RAB27A: variants seen among roughly 807,000 people sequenced by gnomAD.
RAB27A encodes the protein ras-related protein Rab-27A.
In RAB27A, 17 loss-of-function variants were observed where a neutral mutation model predicts 20.8. The ratio of observed to expected loss-of-function variants is 0.82; its 90% CI spans 0.56 to 1.23. The LOEUF is 1.23. Ranked by LOEUF, RAB27A falls within the 50% of genes most tolerant of loss-of-function variation. The pLI is 0.00. For missense variants in RAB27A, 277 were observed against 266.7 expected (o/e 1.04, Z -0.27); for synonymous variants, 85 against 92.8 (o/e 0.92, Z 0.48).
At chr15:55,269,719 C>A (rs1009118072) in intron 2 of RAB27A, 1 of 152,000 alleles carries the variant, frequency 6.6e-6, no homozygotes, top group African/African-American at 2.4e-5. Context: ...CAAGCCTGGG[C>A]GACAGAGCAA....
chr15:55,246,089 T>C (rs1595711737), intron 2 of RAB27A, among the ~76,000 whole-genome samples: 1 of 150,748 alleles, frequency 6.6e-6, no homozygotes, highest in Non-Finnish European at 1.5e-5. Context: ...ATATATGATA[T>C]AGATATATAT....
At chr15:55,315,196 C>G (rs2055037526) in intron 1 of RAB27A, among the ~76,000 whole-genome samples, 1 of 152,172 alleles carries the variant, frequency 6.6e-6, no homozygotes, top group Admixed American at 6.5e-5. Context: ...GCTGGGAAAA[C>G]TGGCTAGCCA....
At chr15:55,209,884 G>GTA (rs1420784352) in intron 6 of RAB27A, among the ~76,000 whole-genome samples, 11 of 66,242 alleles carry the variant, frequency 1.7e-4, no homozygotes, top group Non-Finnish European at 1.8e-4. Context: ...ATATGTGTGT[G>GTA]TATACATATA....
chr15:55,292,731 T>A (rs945073866), upstream of RAB27A, among the ~76,000 whole-genome samples: 1 of 152,138 alleles, frequency 6.6e-6, no homozygotes, highest in African/African-American at 2.4e-5. Context: ...AATATCCAAG[T>A]GAAGCTGTTT....
At chr15:55,214,323 C>T (rs1895175451) in intron 6 of RAB27A, among the ~76,000 whole-genome samples, 4 of 152,154 alleles carry the variant, frequency 2.6e-5, no homozygotes, top group Admixed American at 2.6e-4. Flanking sequence ...GTAGTCCCAG[C>T]TACTCGGGAG....
At chr15:55,297,199 C>G (rs1316531687) in intron 2 of RAB27A, among the ~76,000 whole-genome samples, 1 of 152,188 alleles carries the variant, frequency 6.6e-6, no homozygotes. Context: ...ATCAGGCAAG[C>G]CTTCTTTTGA....
At chr15:55,267,420 C>T (rs151118834) in intron 2 of RAB27A, among the ~76,000 whole-genome samples, 7 of 152,290 alleles carry the variant, frequency 4.6e-5, no homozygotes, top group East Asian at 3.9e-4. Flanking sequence ...TCAAGCAGCA[C>T]CCCATCTCAT....
At chr15:55,317,082 T>C (rs2055050056) in intron 1 of RAB27A, 2 of 152,112 alleles carry the variant, frequency 1.3e-5, no homozygotes, top group African/African-American at 4.8e-5. Flanking sequence ...AAGTAGAAAA[T>C]ATTCCTAAAA....
chr15:55,212,693 T>C (rs1275403584), intron 6 of RAB27A, among the ~76,000 whole-genome samples: 1 of 152,002 alleles, frequency 6.6e-6, no homozygotes, highest in African/African-American at 2.4e-5. Context: ...CCACGCCCGT[T>C]TAATTTTTTG....
intron 1 of RAB27A, among the ~76,000 whole-genome samples, chr15:55,287,050 G>A (rs767576251): frequency 6.6e-6 from 1 of 150,574 alleles, no homozygotes; most frequent in African/African-American, 2.4e-5. Flanking sequence ...CTCCTGAGTA[G>A]CTGTGATTAC....
chr15:55,247,236 C>G (rs1331715128), intron 2 of RAB27A, among the ~76,000 whole-genome samples: 1 of 152,072 alleles, frequency 6.6e-6, no homozygotes, highest in Non-Finnish European at 1.5e-5. Flanking sequence ...TTAACAAGCT[C>G]TGAAGAGGTA....
intron 2 of RAB27A, among the ~76,000 whole-genome samples, chr15:55,298,757 G>A (rs866810659): frequency 2.6e-5 from 4 of 152,190 alleles, no homozygotes; most frequent in East Asian, 1.9e-4. Context: ...CACACCCAGG[G>A]GGGCCGTCTA....
At chr15:55,238,617 C>T (rs1344426467) in intron 2 of RAB27A, 2 of 152,194 alleles carry the variant, frequency 1.3e-5, no homozygotes, top group African/African-American at 4.8e-5. Flanking sequence ...ACTTTATTCT[C>T]CCCATTGTGG....
intron 2 of RAB27A, among the ~76,000 whole-genome samples, chr15:55,257,528 T>G (rs1197079890): frequency 1.3e-5 from 2 of 152,218 alleles, no homozygotes; most frequent in African/African-American, 2.4e-5. Context: ...ACTATCTCCC[T>G]GTTGTAAAGT....
intron 2 of RAB27A, among the ~76,000 whole-genome samples, chr15:55,310,000 T>G (rs553495433): frequency 6.6e-6 from 1 of 152,176 alleles, no homozygotes; most frequent in Admixed American, 6.5e-5. Flanking sequence ...CTCGTCCATA[T>G]TGTCCTTCTG....
At chr15:55,296,458 C>T (rs996033997) in intron 2 of RAB27A, among the ~76,000 whole-genome samples, 1 of 151,836 alleles carries the variant, frequency 6.6e-6, no homozygotes, top group Non-Finnish European at 1.5e-5. Context: ...ATGCCTAGAT[C>T]GTGCCACTGC....
At chr15:55,311,954 C>G (rs2055022571) in intron 2 of RAB27A, among the ~76,000 whole-genome samples, 1 of 152,184 alleles carries the variant, frequency 6.6e-6, no homozygotes, top group African/African-American at 2.4e-5. Context: ...CTCGTGTTCT[C>G]TGACCTGGGG....
At chr15:55,222,541 G>C (rs1039945770) in intron 6 of RAB27A, among the ~76,000 whole-genome samples, 1 of 152,050 alleles carries the variant, frequency 6.6e-6, no homozygotes, top group Non-Finnish European at 1.5e-5. Context: ...CTGTCCTCCA[G>C]GGATCAAATC....
Position 55,274,731 on chromosome 15 carries a change from T to C in RAB27A, c.-142-4447A>G, listed in dbSNP as rs186363808. ...AAGCAGAAGTTGCAGTGAGCTGAGA[T>C]TGCACCACTGCACTCCAGCCTGGGT... On this transcript the variant is annotated intron_variant, in intron 1 of 6. Coordinates refer to ENST00000336787, the MANE Select transcript of RAB27A (RefSeq NM_183235.3). Among the ~76,000 whole-genome samples the C allele has an allele frequency of 1.2e-3, 176 of 143,732 alleles. 1 individual carries two copies. Among genetic ancestry groups the C allele is most frequent in the South Asian group, 3.8e-3 (17 of 4,508 alleles). The allele number at this position is 143,732 out of a possible 152,430, so 94.3% of individuals were successfully genotyped here.
Sources: allele counts gnomAD v4.1 joint callset (sites outside exome capture counted in the v4.1 genomes callset), GRCh38; gene constraint gnomAD v4.1.1; transcripts MANE v1.5; gene names NCBI Gene and HGNC (gene_info 2026-07-23, HGNC 2026-07-21).